NMT2: variants seen among roughly 807,000 people sequenced by gnomAD.
The protein encoded by NMT2 is glycylpeptide N-tetradecanoyltransferase 2.
In NMT2, 35 loss-of-function variants were observed where a neutral mutation model predicts 65.4. The observed-to-expected ratio is 0.54, with a 90% CI of 0.41 to 0.71. NMT2 has a LOEUF of 0.71. Ranked by LOEUF, NMT2 falls within the 30% of genes least tolerant of loss-of-function variation. The pLI, the probability that NMT2 is intolerant of heterozygous loss-of-function variation, is 0.00. For synonymous variants in NMT2, 226 were observed against 231.8 expected (o/e 0.98, Z 0.23); for missense variants, 489 against 611.3 (o/e 0.80, Z 2.11).
chr10:15,140,344 G>C (rs2131575425), intron 2 of NMT2, among the ~76,000 whole-genome samples: 1 of 152,118 alleles, frequency 6.6e-6, no homozygotes, highest in African/African-American at 2.4e-5. Flanking sequence ...GGCTGGTCTT[G>C]AACTCCTGGG....
intron 1 of NMT2, among the ~76,000 whole-genome samples, chr10:15,151,207 C>T (rs573638573): frequency 5.3e-5 from 8 of 152,118 alleles, no homozygotes; most frequent in Middle Eastern, 3.4e-3. Context: ...TACAGGCATG[C>T]GCCACCATGC....
At chr10:15,138,523 G>C in intron 2 of NMT2, 1 of 469,518 alleles carries the variant, frequency 2.1e-6, no homozygotes, top group Non-Finnish European at 4.4e-6. Flanking sequence ...TCCTATATAA[G>C]AGGCAGGTAT....
rs752201523 is a variant in NMT2 at position 15,107,476 on chromosome 10, G to A, written c.*1719C>T. The A allele has an allele frequency of 1.4e-5, 14 of 982,238 alleles. No homozygotes were observed. The highest frequency in any genetic ancestry group is 1.8e-5 in the African/African-American group (1 of 57,130). 60.8% of individuals were successfully genotyped at this position (982,238 alleles called of 1,614,324 possible). On this transcript the variant is annotated 3_prime_UTR_variant, in exon 12 of 12. Coordinates refer to ENST00000378165, the MANE Select transcript of NMT2 (RefSeq NM_004808.3). Reference sequence around the variant, plus strand: ...AGTATCTACTTTTGTTTTTTGAGACGGAGTCTTGCACTGTCACCCAGGCTG... The same window carrying A: ...AGTATCTACTTTTGTTTTTTGAGACAGAGTCTTGCACTGTCACCCAGGCTG...
Position 15,109,766 on chromosome 10 carries a change from A to G in NMT2, c.1412T>C (p.Ile471Thr). 1.2e-6 allele frequency: 2 copies of G among 1,613,790 alleles called. No individual in the cohort carries two copies. Among genetic ancestry groups the G allele is most frequent in the Non-Finnish European group, 1.7e-6 (2 of 1,179,816 alleles). Residue 471 changes from isoleucine (I) to threonine (T), a missense_variant, in exon 11 of 12, where the codon ATA becomes ACA. Ile to Thr is a moderately conservative substitution (Grantham distance 89, BLOSUM62 -1). Coordinates refer to ENST00000378165, the MANE Select transcript of NMT2 (RefSeq NM_004808.3). ...GTAATACTGCAAATTGCCATCTCCT[A>G]TACCAAACTTGAGTTTTTCCAAGAA... ...KTFLEKLKFG[I>T]GDGNLQYYLY...
chr10:15,113,561 G>A (rs59608499), intron 9 of NMT2, among the ~76,000 whole-genome samples: 3 of 149,390 alleles, frequency 2.0e-5, no homozygotes, highest in African/African-American at 7.4e-5. Flanking sequence ...CAATTCTTTA[G>A]ACTAAGGGAA....
Position 15,107,690 on chromosome 10 carries a change from A to G in NMT2, c.*1505T>C. On this transcript the variant is annotated 3_prime_UTR_variant, in exon 12 of 12. Coordinates refer to ENST00000378165, the MANE Select transcript of NMT2 (RefSeq NM_004808.3). The stretch of plus-strand genomic sequence containing the variant: ...GGCTGGTCTCGAACCCCTGACCTCA[A>G]ATGTTTCGCCCGCCTTGGCCTCCCA... 1.2e-6 allele frequency: 1 copy of G among 828,026 alleles called. No homozygotes were observed. Among genetic ancestry groups the G allele is most frequent in the Non-Finnish European group, 1.5e-6 (1 of 686,738 alleles). 51.3% of individuals were successfully genotyped at this position (828,026 alleles called of 1,614,324 possible). A position where few individuals can be genotyped will look rare whatever the true frequency, so the allele number is the denominator to read the frequency against.
chr10:15,159,429 G>T (rs77744973), intron 1 of NMT2, among the ~76,000 whole-genome samples: 1 of 109,656 alleles, frequency 9.1e-6, no homozygotes, highest in Admixed American at 8.6e-5. Flanking sequence ...TTTATTTATT[G>T]AGACAGAGTC....
intron 9 of NMT2, among the ~76,000 whole-genome samples, chr10:15,113,894 T>C (rs988752078): frequency 1.3e-5 from 2 of 152,176 alleles, no homozygotes; most frequent in African/African-American, 4.8e-5. Context: ...AATTAGCCAG[T>C]ATTGTTCGGG....
intron 3 of NMT2, among the ~76,000 whole-genome samples, chr10:15,133,663 T>C (rs1846368990): frequency 6.6e-6 from 1 of 152,202 alleles, no homozygotes; most frequent in South Asian, 2.1e-4. Flanking sequence ...CATGGCTCAC[T>C]GAAGCCTTCA....
At chr10:15,156,971 T>C (rs576198497) in intron 1 of NMT2, among the ~76,000 whole-genome samples, 1 of 152,184 alleles carries the variant, frequency 6.6e-6, no homozygotes, top group African/African-American at 2.4e-5. Context: ...CACTCTGCTT[T>C]CACTGGTTCT....
At chr10:15,163,901 C>A (rs1272892636) in intron 1 of NMT2, among the ~76,000 whole-genome samples, 1 of 152,092 alleles carries the variant, frequency 6.6e-6, no homozygotes. Context: ...CGTCTTAGGC[C>A]GGGGACGGTG....
intron 8 of NMT2, among the ~76,000 whole-genome samples, chr10:15,124,550 C>A (rs564089842): frequency 6.6e-6 from 1 of 152,226 alleles, no homozygotes; most frequent in Admixed American, 6.5e-5. Flanking sequence ...AAAGCTGGCA[C>A]TCCTACAAGC....
rs372669058 is a variant in NMT2, at chr10:15,161,637, G to A, written c.110+6866C>T. ...GGCCTCCCAAAGTGCTGGGATTACAGGTGCGAGCCACCACGCCTGGCCGGG... is the reference window on the plus strand; with the variant it reads ...GGCCTCCCAAAGTGCTGGGATTACAAGTGCGAGCCACCACGCCTGGCCGGG... On this transcript the variant is annotated intron_variant, in intron 1 of 11. Transcript: ENST00000378165. Among the ~76,000 whole-genome samples, 78 of 152,270 alleles carry A rather than the reference G, an allele frequency of 5.1e-4. 1 individual carries two copies. The highest frequency in any genetic ancestry group is 1.8e-3 in the African/African-American group (74 of 41,560).
At chr10:15,118,586 G>C (rs1434265934) in intron 9 of NMT2, among the ~76,000 whole-genome samples, 1 of 144,812 alleles carries the variant, frequency 6.9e-6, no homozygotes, top group Admixed American at 6.8e-5. Context: ...AGACAACTAC[G>C]GTCAAAAAAA....
intron 1 of NMT2, among the ~76,000 whole-genome samples, chr10:15,155,535 G>GTTTTT (rs71390015): frequency 8.4e-5 from 5 of 59,338 alleles, no homozygotes; most frequent in African/African-American, 1.3e-4. Flanking sequence ...TGCCGGGCTA[G>GTTTTT]TTTTTTTTTT....
At chr10:15,121,284 A>T (rs953264620) in intron 8 of NMT2, among the ~76,000 whole-genome samples, 1 of 152,318 alleles carries the variant, frequency 6.6e-6, no homozygotes, top group Non-Finnish European at 1.5e-5. Context: ...TTCCACTCTT[A>T]AGAAATATTG....
intron 8 of NMT2, among the ~76,000 whole-genome samples, chr10:15,120,331 A>G (rs1376370412): frequency 6.6e-6 from 1 of 152,048 alleles, no homozygotes; most frequent in African/African-American, 2.4e-5. Flanking sequence ...GGTGACATGC[A>G]CCTGTAATCC....
intron 2 of NMT2, among the ~76,000 whole-genome samples, chr10:15,135,702 C>T (rs1430475592): frequency 1.3e-5 from 2 of 152,086 alleles, no homozygotes; most frequent in African/African-American, 2.4e-5. Flanking sequence ...AAATGGTCCC[C>T]GGCATTACTC....
rs996959286 is a variant in NMT2, at chr10:15,155,145, A to C, written c.110+13358T>G. 4.0e-6 allele frequency: 6 copies of C among 1,514,788 alleles called. No individual in the cohort carries two copies. The African/African-American group carries it at 8.2e-5, about 21-fold the overall frequency. 93.8% of individuals were successfully genotyped at this position (1,514,788 alleles called of 1,614,324 possible). A position where few individuals can be genotyped will look rare whatever the true frequency, so the allele number is the denominator to read the frequency against. ...TGTAAAGTCACCACCCTGACACAAAAGCCCTAGAATAATTCTGTGAAAGCA... is the reference window on the plus strand; with the variant it reads ...TGTAAAGTCACCACCCTGACACAAACGCCCTAGAATAATTCTGTGAAAGCA... On this transcript the variant is annotated intron_variant, in intron 1 of 11. Transcript: ENST00000378165.
Sources: allele counts gnomAD v4.1 joint callset (sites outside exome capture counted in the v4.1 genomes callset), GRCh38; gene constraint gnomAD v4.1.1; transcripts MANE v1.5; gene names NCBI Gene and HGNC (gene_info 2026-07-23, HGNC 2026-07-21).